The following FANCI variants were observed in gnomAD, a reference collection of about 807,000 sequenced individuals.
FANCI encodes the protein FA complementation group I.
Under a neutral mutation model 176.1 loss-of-function variants are expected in FANCI, and 156 were observed. The observed-to-expected ratio is 0.89, with a 90% CI of 0.78 to 1.01. The LOEUF (loss-of-function observed/expected upper bound fraction) is 1.01. FANCI is among the 50% of genes least tolerant of loss of function. The pLI is 0.00. For synonymous variants in FANCI, 613 were observed against 541.7 expected (o/e 1.13, Z -1.83); for missense variants, 1,678 against 1,534.1 (o/e 1.09, Z -1.57).
Position 89,314,272 on chromosome 15 carries a change from G to C in FANCI, c.3721-340G>C, listed in dbSNP as rs114685885. 7.2e-3 allele frequency among the ~76,000 whole-genome samples: 1,103 copies of C among 152,274 alleles called. 16 individuals are homozygous for C. The highest frequency in any genetic ancestry group is 0.025 in the African/African-American group (1,052 of 41,554). On this transcript the variant is annotated intron_variant, in intron 35 of 37. Coordinates refer to ENST00000310775, the MANE Select transcript of FANCI (RefSeq NM_001113378.2). ...GCAGTGAAAATTCATACCCAGACCA[G>C]AACAAGGAAATAGAGCTAGGGCCAA... is the stretch of plus-strand genomic sequence containing the variant.
intron 18 of FANCI, among the ~76,000 whole-genome samples, chr15:89,287,772 G>A (rs2151649430): frequency 6.6e-6 from 1 of 152,286 alleles, no homozygotes; most frequent in East Asian, 1.9e-4. Context: ...TGAATAGGGA[G>A]GCCTGAGGAG....
intron 9 of FANCI, among the ~76,000 whole-genome samples, chr15:89,267,842 G>A (rs1011507646): frequency 5.9e-5 from 9 of 152,118 alleles, no homozygotes; most frequent in Admixed American, 4.6e-4. Context: ...TGGGAGGATC[G>A]TTTGAGCCTG....
chr15:89,250,734 AAAT>A (rs1408020050), intron 2 of FANCI, among the ~76,000 whole-genome samples: 1 of 150,632 alleles, frequency 6.6e-6, no homozygotes, highest in Admixed American at 6.6e-5. Context: ...AATACCTTCT[AAAT>A]AACTCTTGGA....
At chr15:89,314,541 G>C (rs1417614219) in intron 35 of FANCI, 71 bp from the exon 36 acceptor site, 4 of 1,136,298 alleles carry the variant, frequency 3.5e-6, no homozygotes, top group Admixed American at 3.4e-5. Flanking sequence ...AGTTTTGTAA[G>C]TGACAGCTTC....
intron 1 of FANCI, among the ~76,000 whole-genome samples, chr15:89,244,524 A>T (rs2051858218): frequency 6.6e-6 from 1 of 152,200 alleles, no homozygotes; most frequent in South Asian, 2.1e-4. Context: ...CTTCGCGTTC[A>T]GGGAATTCAC....
At chr15:89,286,737 C>G (rs992161886) in intron 18 of FANCI, among the ~76,000 whole-genome samples, 1 of 152,118 alleles carries the variant, frequency 6.6e-6, no homozygotes. Flanking sequence ...TTGATTTCAA[C>G]TTAAAGTCAG....
Position 89,317,107 on chromosome 15 carries a change from A to G in FANCI, c.*648A>G. 1 of 592,998 alleles carries G rather than the reference A, an allele frequency of 1.7e-6. No homozygotes were observed. The highest frequency in any genetic ancestry group is 3.0e-6 in the Non-Finnish European group (1 of 335,120). The allele number at this position is 592,998 out of a possible 1,614,324, so 36.7% of individuals were successfully genotyped here. ...CCTATAGAGTGCAAGAATGCACTCTATAGAATAAATTATCTTTAAACATTT... is the reference window on the plus strand; with the variant it reads ...CCTATAGAGTGCAAGAATGCACTCTGTAGAATAAATTATCTTTAAACATTT... On this transcript the variant is annotated 3_prime_UTR_variant, in exon 38 of 38. Coordinates refer to ENST00000310775, the MANE Select transcript of FANCI (RefSeq NM_001113378.2).
At chr15:89,305,556 C>T in intron 30 of FANCI, 49 bp from the exon 31 acceptor site, 1 of 1,603,988 alleles carries the variant, frequency 6.2e-7, no homozygotes, top group Non-Finnish European at 8.5e-7. Context: ...TATTATATTA[C>T]CCCCACAGCT....
At chr15:89,301,177 A>G (rs1295546794) in intron 26 of FANCI, 149 bp from the exon 27 acceptor site, 4 of 717,862 alleles carry the variant, frequency 5.6e-6, no homozygotes, top group Admixed American at 1.9e-5. Context: ...TGCTCAATTC[A>G]GGTGTATTTT....
At chr15:89,293,425 G>T (rs1197897434) in intron 22 of FANCI, among the ~76,000 whole-genome samples, 2 of 152,168 alleles carry the variant, frequency 1.3e-5, no homozygotes, top group African/African-American at 4.8e-5. Flanking sequence ...GGTGGCTCAC[G>T]CCTGTAATCC....
At chr15:89,265,360 A>G (rs2052896448) in intron 9 of FANCI, among the ~76,000 whole-genome samples, 2 of 152,150 alleles carry the variant, frequency 1.3e-5, no homozygotes, top group East Asian at 1.9e-4. Flanking sequence ...GGTGCGCACC[A>G]CTACGCCCAG....
intron 9 of FANCI, among the ~76,000 whole-genome samples, chr15:89,267,379 G>A (rs1175558983): frequency 6.7e-6 from 1 of 150,240 alleles, no homozygotes; most frequent in East Asian, 2.0e-4. Flanking sequence ...TGCCCTGGAA[G>A]CTAAGAGAAG....
intron 6 of FANCI, among the ~76,000 whole-genome samples, chr15:89,262,360 C>T (rs897716976): frequency 6.6e-6 from 1 of 151,912 alleles, no homozygotes; most frequent in African/African-American, 2.4e-5. Context: ...AGAAAATCCT[C>T]ACATATGAAC....
intron 34 of FANCI, chr15:89,308,165 C>G: frequency 9.6e-7 from 1 of 1,046,248 alleles, no homozygotes; most frequent in Non-Finnish European, 1.2e-6. Flanking sequence ...TTGCTTAAAC[C>G]AGTTTTTTAA....
intron 2 of FANCI, among the ~76,000 whole-genome samples, chr15:89,252,706 C>G (rs1043788148): frequency 2.6e-5 from 4 of 152,198 alleles, no homozygotes; most frequent in African/African-American, 9.7e-5. Flanking sequence ...CGCCACTGTA[C>G]TCCAGCCTGG....
intron 11 of FANCI, 53 bp from the exon 12 acceptor site, chr15:89,274,115 C>T: frequency 7.5e-7 from 1 of 1,326,238 alleles, no homozygotes; most frequent in Non-Finnish European, 1.0e-6. Context: ...CTGTTAGGTG[C>T]TTGATCTTTT....
In FANCI at chr15:89,248,490, A is replaced by G. The variant is rs895779001; in HGVS notation, c.84+759A>G. On this transcript the variant is annotated intron_variant, in intron 2 of 37. Transcript: ENST00000310775. The stretch of plus-strand genomic sequence containing the variant: ...CATCTTAGTGTGTGTTATCTGACAT[A>G]CTAACTAGGAATTGATGCAGTGTTG... 2.6e-5 allele frequency among the ~76,000 whole-genome samples: 4 copies of G among 152,080 alleles called. No individual in the cohort carries two copies. In the East Asian group the frequency reaches 7.7e-4, roughly 29 times the overall value.
intron 27 of FANCI, 133 bp downstream of exon 27, chr15:89,301,575 A>C: frequency 2.6e-6 from 2 of 762,686 alleles, no homozygotes; most frequent in Non-Finnish European, 4.8e-6. Flanking sequence ...TATACACCTG[A>C]GTTAATATAA....
At chr15:89,270,441 C>T (rs1053554892) in intron 10 of FANCI, among the ~76,000 whole-genome samples, 3 of 152,076 alleles carry the variant, frequency 2.0e-5, no homozygotes, top group Non-Finnish European at 2.9e-5. Flanking sequence ...AGAAGGTTTT[C>T]GTTTTCCCAT....
Sources: allele counts gnomAD v4.1 joint callset (sites outside exome capture counted in the v4.1 genomes callset), GRCh38; gene constraint gnomAD v4.1.1; transcripts MANE v1.5; gene names NCBI Gene and HGNC (gene_info 2026-07-23, HGNC 2026-07-21).